The following ZNF396 variants were observed in gnomAD, a reference collection of about 807,000 sequenced individuals.
ZNF396 encodes zinc finger protein 396.
Under a neutral mutation model 20.5 loss-of-function variants are expected in ZNF396, and 14 were observed. The ratio of observed to expected loss-of-function variants is 0.68; its 90% CI spans 0.45 to 1.07. The LOEUF is 1.07. Ranked by LOEUF, ZNF396 falls within the 50% of genes least tolerant of loss-of-function variation. ZNF396 has a pLI of 0.00. For missense variants in ZNF396, 347 were observed against 390.1 expected, an observed-to-expected ratio of 0.89 and a Z score of 0.93; for synonymous variants, 119 against 140.6, an observed-to-expected ratio of 0.85 and a Z score of 1.08.
intron 3 of ZNF396, chr18:35,372,258 G>A (rs1271024516): frequency 6.6e-6 from 1 of 152,204 alleles, no homozygotes; most frequent in Admixed American, 6.5e-5. Context: ...CCAAGCTGCT[G>A]AGGCTGGGAT....
In ZNF396 at chr18:35,373,526, A is replaced by G. The variant is rs779254194; in HGVS notation, c.492T>C (p.Ser164=). The G allele has an allele frequency of 2.5e-5, 41 of 1,614,064 alleles. 1 individual carries two copies. The highest frequency in any genetic ancestry group is 1.7e-5 in the Admixed American group (1 of 60,004). Residue 164 remains serine (S), a synonymous_variant, in exon 3 of 4, where the codon AGT becomes AGC. Transcript: ENST00000589332. ...APSEITEELP[S]SQLMPVKKQL... ...GCTTCTTCACGGGCATGAGCTGGCTACTTGGCAATTCCTCAGTGATTTCTG... is the reference window on the plus strand; with the variant it reads ...GCTTCTTCACGGGCATGAGCTGGCTGCTTGGCAATTCCTCAGTGATTTCTG...
chr18:35,369,429 G>T lies in ZNF396; in HGVS notation c.794C>A (p.Ala265Asp), dbSNP rs1223942329. 1.2e-6 allele frequency: 2 copies of T among 1,614,126 alleles called. No homozygotes were observed. The highest frequency in any genetic ancestry group is 1.1e-5 in the South Asian group (1 of 91,074). Residue 265 changes from alanine to aspartate, a missense_variant, in exon 4 of 4, where the codon GCC becomes GAC. Coordinates refer to ENST00000589332, the MANE Select transcript of ZNF396 (RefSeq NM_001322286.2). Reference protein sequence around the residue: ...ECGKIFSQSSALILHQRIHSG... With the variant: ...ECGKIFSQSSDLILHQRIHSG... ...GTGGATTCTCTGATGTAAAATAAGG[G>T]CTGAGCTCTGACTAAAGATTTTGCC...
At chr18:35,369,738 T>G in intron 3 of ZNF396, 78 bp from the exon 4 acceptor site, 1 of 1,384,176 alleles carries the variant, frequency 7.2e-7, no homozygotes, top group South Asian at 1.4e-5. Context: ...TGCTAGCATG[T>G]TTATAAAACA....
chr18:35,373,733 T>C (rs2045217377), intron 2 of ZNF396, 133 bp from the exon 3 acceptor site: 2 of 1,492,878 alleles, frequency 1.3e-6, no homozygotes, highest in Non-Finnish European at 1.8e-6. Flanking sequence ...CCACCTTCTA[T>C]TTGCTGGGAC....
chr18:35,369,292 C>T lies in ZNF396; in HGVS notation c.931G>A (p.Asp311Asn). ...HTGEKPYKCHDCGKAFSQSSN... is the reference protein window; with the variant it reads ...HTGEKPYKCHNCGKAFSQSSN... ...CTCTGACTAAAGGCTTTGCCACAGT[C>T]ATGACACTTGTAGGGCTTCTCACCA... is the stretch of plus-strand genomic sequence containing the variant. The change falls in exon 4 of 4, where the codon GAC becomes AAC. Residue 311 changes from aspartate (D) to asparagine (N), a missense_variant. Asp to Asn is a conservative substitution (Grantham distance 23). Coordinates refer to ENST00000589332, the MANE Select transcript of ZNF396 (RefSeq NM_001322286.2). 6.2e-7 allele frequency: 1 copy of T among 1,614,190 alleles called. No homozygotes were observed. The highest frequency in any genetic ancestry group is 8.5e-7 in the Non-Finnish European group (1 of 1,180,024).
chr18:35,368,482 T>TTTTATTTACTTA lies in ZNF396; in HGVS notation c.*732_*733insTAAGTAAATAAA, dbSNP rs2045125627. On this transcript the variant is annotated 3_prime_UTR_variant, in exon 4 of 4. Coordinates refer to ENST00000589332, the MANE Select transcript of ZNF396 (RefSeq NM_001322286.2). ...AGACAAAATAGGAATTTATTTTTATTTTTATTTATTTATTTATTTATTTAT... is the reference window on the plus strand; with the variant it reads ...AGACAAAATAGGAATTTATTTTTATTTTTATTTACTTATTTATTTATTTATTTATTTATTTAT... 5.9e-6 allele frequency: 2 copies of TTTTATTTACTTA among 336,450 alleles called. No homozygotes were observed. The highest frequency in any genetic ancestry group is 7.7e-5 in the South Asian group (1 of 13,014). The allele number at this position is 336,450 out of a possible 1,614,324, so 20.8% of individuals were successfully genotyped here.
chr18:35,373,811 T>C, intron 2 of ZNF396, 65 bp downstream of exon 2: 2 of 1,553,358 alleles, frequency 1.3e-6, no homozygotes, highest in Non-Finnish European at 1.7e-6. Flanking sequence ...AGAGCTCTAC[T>C]CCCAATGATG....
At chr18:35,377,145 G>C (rs1162337351) in intron 1 of ZNF396, 133 bp downstream of exon 1, 3 of 152,562 alleles carry the variant, frequency 2.0e-5, no homozygotes. Context: ...GACGGTGTAA[G>C]GGTGCTGCAC....
intron 3 of ZNF396, among the ~76,000 whole-genome samples, chr18:35,370,590 G>A (rs1422230576): frequency 1.6e-5 from 2 of 127,530 alleles, no homozygotes; most frequent in African/African-American, 6.0e-5. Flanking sequence ...TCGGCTCACT[G>A]CAAGCTCCGC....
rs2045144186 is a variant in ZNF396 at position 35,369,538 on chromosome 18, T to A, written c.685A>T (p.Arg229Ter). 1 of 1,614,142 alleles carries A rather than the reference T, an allele frequency of 6.2e-7. No individual in the cohort carries two copies. The highest frequency in any genetic ancestry group is 1.3e-5 in the African/African-American group (1 of 75,072). ...HMNGSQSSTYRGTYEQDGRFE... is the reference protein window; with the variant it reads ...HMNGSQSSTY ...CTACCATCTTGTTCATAGGTTCCTC[T>A]ATATGTGGAACTCTGGGAGCCATTC... Residue 229 changes from arginine (R) to a stop codon, truncating the protein, a stop_gained, in exon 4 of 4, where the codon AGA (arginine) becomes TGA (stop). Coordinates refer to ENST00000589332, the MANE Select transcript of ZNF396 (RefSeq NM_001322286.2). LOFTEE classifies it low-confidence loss of function (END_TRUNC).
intron 1 of ZNF396, among the ~76,000 whole-genome samples, chr18:35,375,709 G>A (rs2045247975): frequency 6.6e-6 from 1 of 152,058 alleles, no homozygotes; most frequent in Non-Finnish European, 1.5e-5. Flanking sequence ...TTACTGTTAA[G>A]TATCACCAGT....
In ZNF396 at chr18:35,377,061, G is replaced by C. The variant is rs374061588; in HGVS notation, c.-73+217C>G. On this transcript the variant is annotated intron_variant, in intron 1 of 3. Transcript: ENST00000589332. Reference sequence around the variant, plus strand: ...CTGGCAGGGCAGGCGCCCGGGGTCCGCCGGGGAAGGACGAGGGGAAGGGGT... The same window carrying C: ...CTGGCAGGGCAGGCGCCCGGGGTCCCCCGGGGAAGGACGAGGGGAAGGGGT... 1.4e-3 allele frequency among the ~76,000 whole-genome samples: 212 copies of C among 152,254 alleles called. 5 individuals are homozygous for C. The East Asian group carries it at 0.032, about 23-fold the overall frequency.
At chr18:35,373,644 G>T in intron 2 of ZNF396, 44 bp from the exon 3 acceptor site, 1 of 1,598,578 alleles carries the variant, frequency 6.3e-7, no homozygotes, top group Non-Finnish European at 8.5e-7. Flanking sequence ...CATCAGGTTG[G>T]GACTTGAGGA....
At position 35,368,493 on chromosome 18, in the gene ZNF396, T is replaced by TATTC. The variant is rs1276428320; in HGVS notation, c.*721_*722insGAAT. ...GAATTTATTTTTATTTTTATTTATT[T>TATTC]ATTTATTTATTTATTTATTTATTTT... On this transcript the variant is annotated 3_prime_UTR_variant, in exon 4 of 4. Transcript: ENST00000589332. 1 of 710,274 alleles carries TATTC rather than the reference T, an allele frequency of 1.4e-6. No individual in the cohort carries two copies. The highest frequency in any genetic ancestry group is 5.7e-5 in the South Asian group (1 of 17,614). The allele number at this position is 710,274 out of a possible 1,614,324, so 44.0% of individuals were successfully genotyped here. A position where few individuals can be genotyped will look rare whatever the true frequency, so the allele number is the denominator to read the frequency against.
At position 35,369,330 on chromosome 18, in the gene ZNF396, C is replaced by T. The variant is rs766873525; in HGVS notation, c.893G>A (p.Arg298Gln). 1.9e-5 allele frequency: 30 copies of T among 1,614,194 alleles called. No homozygotes were observed. The highest frequency in any genetic ancestry group is 9.9e-5 in the South Asian group (9 of 91,086). The change falls in exon 4 of 4, where the codon CGA (arginine) becomes CAA (glutamine). Residue 298 changes from arginine (R) to glutamine (Q), a missense_variant. Transcript: ENST00000589332. Reference protein sequence around the residue: ...FSRSAILIQHRRTHTGEKPYK... With the variant: ...FSRSAILIQHQRTHTGEKPYK... ...GGGCTTCTCACCAGTATGGGTTCGTCGATGCTGAATCAGAATTGCGCTTCG... is the reference window on the plus strand; with the variant it reads ...GGGCTTCTCACCAGTATGGGTTCGTTGATGCTGAATCAGAATTGCGCTTCG...
chr18:35,369,489 G>A lies in ZNF396; in HGVS notation c.734C>T (p.Pro245Leu). 1.2e-6 allele frequency: 2 copies of A among 1,614,190 alleles called. No homozygotes were observed. Among genetic ancestry groups the A allele is most frequent in the South Asian group, 1.1e-5 (1 of 91,088 alleles). Residue 245 changes from proline (P) to leucine (L), a missense_variant, in exon 4 of 4, where the codon CCT (proline) becomes CTT (leucine). Coordinates refer to ENST00000589332, the MANE Select transcript of ZNF396 (RefSeq NM_001322286.2). ...DGRFEKRQGNPSWKKQQKCDE... is the reference protein window; with the variant it reads ...DGRFEKRQGNLSWKKQQKCDE... ...ACATTTCTGTTGTTTTTTCCAAGAA[G>A]GGTTTCCTTGTCTCTTTTCAAACCT...
At position 35,369,170 on chromosome 18, in the gene ZNF396, G is replaced by A; in HGVS notation, c.*45C>T. The A allele has an allele frequency of 6.7e-7, 1 of 1,482,860 alleles. No homozygotes were observed. Among genetic ancestry groups the A allele is most frequent in the Non-Finnish European group, 8.9e-7 (1 of 1,118,868 alleles). The allele number at this position is 1,482,860 out of a possible 1,614,324, so 91.9% of individuals were successfully genotyped here. A position where few individuals can be genotyped will look rare whatever the true frequency, so the allele number is the denominator to read the frequency against. On this transcript the variant is annotated 3_prime_UTR_variant, in exon 4 of 4. Coordinates refer to ENST00000589332, the MANE Select transcript of ZNF396 (RefSeq NM_001322286.2). ...GCGTTTGCATCTGGTGTCTTCCCTT[G>A]TGCTGAAATAGCTCTGAGTAAATGC...
chr18:35,373,212 G>C (rs2045206559), intron 3 of ZNF396: 2 of 478,350 alleles, frequency 4.2e-6, no homozygotes, highest in Non-Finnish European at 7.0e-6. Flanking sequence ...CTTTAAAAAG[G>C]CATGAAAACC....
chr18:35,371,912 G>T (rs1457954876), intron 3 of ZNF396: 1 of 152,126 alleles, frequency 6.6e-6, no homozygotes, highest in African/African-American at 2.4e-5. Flanking sequence ...ATTCCAAAGT[G>T]ACCTCAATGA....
Sources: gnomAD v4.1 joint callset for allele counts (sites outside exome capture counted in the v4.1 genomes callset) on GRCh38, gnomAD v4.1.1 for gene constraint, MANE v1.5 for transcripts, NCBI Gene and HGNC (gene_info 2026-07-23, HGNC 2026-07-21) for gene names.